The following CAST variants were observed in gnomAD, a reference collection of about 807,000 sequenced individuals.
CAST encodes the protein MIR583 host.
In CAST, 76 loss-of-function variants were observed where a neutral mutation model predicts 119.6. The ratio of observed to expected loss-of-function variants is 0.64; its 90% CI spans 0.53 to 0.77. The LOEUF (loss-of-function observed/expected upper bound fraction) is 0.77, where lower values mean the gene tolerates loss of function less well. Among genes scored for constraint, CAST ranks in the 30% least tolerant of loss-of-function variants. CAST has a pLI of 0.00. For synonymous variants in CAST, 319 were observed against 331.6 expected (o/e 0.96, Z 0.41); for missense variants, 953 against 946.5 (o/e 1.01, Z -0.09).
the CAST span, among the ~76,000 whole-genome samples, chr5:96,506,435 G>T: frequency 6.6e-6 from 1 of 152,178 alleles, no homozygotes; most frequent in Admixed American, 6.5e-5. Context: ...TTAGCAAGAG[G>T]AAGTTGGAGG....
At chr5:96,510,784 G>A in the CAST span, among the ~76,000 whole-genome samples, 3 of 152,102 alleles carry the variant, frequency 2.0e-5, no homozygotes, top group East Asian at 1.9e-4. Flanking sequence ...ACGTTTGTAC[G>A]AATAAAATGA....
Position 96,631,365 on chromosome 5 carries a change from T to C in CAST, c.61-44174T>C, listed in dbSNP as rs369974080. 9.8e-4 allele frequency among the ~76,000 whole-genome samples: 139 copies of C among 141,142 alleles called. 22 individuals carry two copies. In the South Asian group the frequency reaches 0.03, roughly 30 times the overall value. 92.6% of individuals were successfully genotyped at this position (141,142 alleles called of 152,430 possible). ...TACAAATGTAATCATAAAATATGTG[T>C]CCTTTTTTGTCTGACTCCTTTCATT... On this transcript the variant is annotated intron_variant, in intron 1 of 11. Transcript: ENST00000505143.
chr5:96,274,257 A>G, the CAST span, among the ~76,000 whole-genome samples: 2 of 151,892 alleles, frequency 1.3e-5, no homozygotes, highest in Non-Finnish European at 2.9e-5. Context: ...GCCCACCACC[A>G]TGCCTGGCTA....
chr5:96,561,797 T>TTTTTTTTTTTG (rs1580825619), intron 1 of CAST, among the ~76,000 whole-genome samples: 2 of 76,646 alleles, frequency 2.6e-5, no homozygotes, highest in South Asian at 5.6e-4. Context: ...TTTTTTTTTG[T>TTTTTTTTTTTG]TTTTTTTTTT....
At chr5:96,099,986 A>G in the CAST span, among the ~76,000 whole-genome samples, 1 of 152,130 alleles carries the variant, frequency 6.6e-6, no homozygotes, top group South Asian at 2.1e-4. Flanking sequence ...TAGGCTATTT[A>G]TGACTGCCTT....
At chr5:96,360,016 G>A in the CAST span, among the ~76,000 whole-genome samples, 22 of 152,128 alleles carry the variant, frequency 1.4e-4, no homozygotes, top group African/African-American at 5.3e-4. Flanking sequence ...ATGTTTATTG[G>A]AGGCTTTGTT....
At chr5:96,577,477 A>G (rs1746692809) in intron 1 of CAST, among the ~76,000 whole-genome samples, 1 of 151,788 alleles carries the variant, frequency 6.6e-6, no homozygotes, top group South Asian at 2.1e-4. Flanking sequence ...AACTTAAATT[A>G]TTGATTTGAG....
chr5:96,221,419 T>C, the CAST span, among the ~76,000 whole-genome samples: 2 of 152,062 alleles, frequency 1.3e-5, no homozygotes. Flanking sequence ...AGTTGCAGGA[T>C]ACAAAATCAA....
chr5:96,192,044 G>A, the CAST span, among the ~76,000 whole-genome samples: 1 of 152,182 alleles, frequency 6.6e-6, no homozygotes, highest in African/African-American at 2.4e-5. Flanking sequence ...TGTGCTCCAA[G>A]TTGTCTAATA....
the CAST span, among the ~76,000 whole-genome samples, chr5:96,015,341 A>G: frequency 6.6e-6 from 1 of 152,178 alleles, no homozygotes; most frequent in Non-Finnish European, 1.5e-5. Flanking sequence ...AATTTCTACT[A>G]TAAAACTAAA....
chr5:96,477,406 A>C, the CAST span, among the ~76,000 whole-genome samples: 5 of 152,292 alleles, frequency 3.3e-5, no homozygotes, highest in Middle Eastern at 3.4e-3. Flanking sequence ...TGAGCCATCA[A>C]CTTTGGTTAA....
chr5:96,471,805 A>T, the CAST span, among the ~76,000 whole-genome samples: 1 of 91,832 alleles, frequency 1.1e-5, no homozygotes, highest in Non-Finnish European at 2.2e-5. Context: ...TGTGATTTGC[A>T]TATGCGTATT....
intron 3 of CAST, among the ~76,000 whole-genome samples, chr5:96,707,690 T>G (rs920250636): frequency 6.6e-6 from 1 of 152,200 alleles, no homozygotes; most frequent in Non-Finnish European, 1.5e-5. Flanking sequence ...GGCCCACGTT[T>G]GGAGCCTGAG....
rs755433576 is a variant in CAST at position 96,726,797 on chromosome 5, A to G, written c.274A>G (p.Ile92Val). 1 of 1,611,760 alleles carries G rather than the reference A, an allele frequency of 6.2e-7. No homozygotes were observed. Among genetic ancestry groups the G allele is most frequent in the Non-Finnish European group, 8.5e-7 (1 of 1,178,054 alleles). ...TGGGGCTGTGCTCTTATATTAGGCC[A>G]TTCCAGTCAGCCAACAGATGGAAGG... is the stretch of plus-strand genomic sequence containing the variant. The part of the protein sequence containing the change: ...SSMNPTETKA[I>V]PVSQQMEGPH... The change falls in exon 5 of 32, where the codon ATT becomes GTT. Residue 92 changes from isoleucine to valine, a missense_variant. By Grantham distance (29) the Ile-to-Val change is conservative (BLOSUM62 3). Transcript: ENST00000675179.
At chr5:96,049,889 C>CAAAAAAAAAAAAAAAGAAAAA in the CAST span, among the ~76,000 whole-genome samples, 1 of 34,188 alleles carries the variant, frequency 2.9e-5, no homozygotes, top group Non-Finnish European at 5.2e-5. Context: ...GAACAGGAGG[C>CAAAAAAAAAAAAAAAGAAAAA]AAAAAAAAAA....
At chr5:95,977,438 C>A in the CAST span, among the ~76,000 whole-genome samples, 1 of 152,200 alleles carries the variant, frequency 6.6e-6, no homozygotes, top group Non-Finnish European at 1.5e-5. Context: ...AGTTGTGCCG[C>A]ATGTATTTTT....
At chr5:96,249,640 A>G in the CAST span, among the ~76,000 whole-genome samples, 1 of 152,240 alleles carries the variant, frequency 6.6e-6, no homozygotes, top group African/African-American at 2.4e-5. Flanking sequence ...TTTTTGAAAG[A>G]GGCCTACAAG....
the CAST span, among the ~76,000 whole-genome samples, chr5:96,226,598 A>C: frequency 6.6e-6 from 1 of 152,208 alleles, no homozygotes; most frequent in African/African-American, 2.4e-5. Flanking sequence ...CAGAGGTTGC[A>C]GTGAGCCAAG....
At chr5:96,074,031 A>G in the CAST span, among the ~76,000 whole-genome samples, 1 of 152,254 alleles carries the variant, frequency 6.6e-6, no homozygotes, top group African/African-American at 2.4e-5. Context: ...TAGGCTAATC[A>G]CATTCTCTGT....
Sources: gnomAD v4.1 joint callset for allele counts (sites outside exome capture counted in the v4.1 genomes callset) on GRCh38, gnomAD v4.1.1 for gene constraint, MANE v1.5 for transcripts, NCBI Gene and HGNC (gene_info 2026-07-23, HGNC 2026-07-21) for gene names.